Variants in OPCML observed in about 807,000 individuals in gnomAD.
OPCML encodes opioid-binding protein/cell adhesion molecule.
OPCML carries 13 observed loss-of-function variants against 37.8 expected under a neutral mutation model. The observed-to-expected ratio is 0.34, with a 90% CI of 0.22 to 0.55. The LOEUF (loss-of-function observed/expected upper bound fraction) is 0.55. Ranked by LOEUF, OPCML falls within the 20% of genes least tolerant of loss-of-function variation. The probability of loss-of-function intolerance (pLI) is 0.91; values close to 1 mark genes in which losing one functional copy is unlikely to be tolerated. For missense variants in OPCML, 341 were observed against 435.6 expected, an observed-to-expected ratio of 0.78 and a Z score of 1.93; for synonymous variants, 176 against 168.8, an observed-to-expected ratio of 1.04 and a Z score of -0.33.
chr11:133,217,319 C>T (rs1406384529), intron 1 of OPCML, among the ~76,000 whole-genome samples: 8 of 152,234 alleles, frequency 5.3e-5, no homozygotes, highest in Non-Finnish European at 8.8e-5. Flanking sequence ...CATTCTCACC[C>T]GTTCCCATGG....
chr11:133,266,785 A>G (rs1941672358), intron 1 of OPCML, among the ~76,000 whole-genome samples: 1 of 152,212 alleles, frequency 6.6e-6, no homozygotes. Context: ...ATTCCAAGCC[A>G]GAACAATGTG....
intron 2 of OPCML, among the ~76,000 whole-genome samples, chr11:132,907,252 C>T (rs1227934880): frequency 3.9e-5 from 6 of 152,174 alleles, no homozygotes; most frequent in Admixed American, 1.3e-4. Context: ...AGCTGTTTTA[C>T]GTTCCCTGGT....
At chr11:132,703,280 G>GT (rs1173368859) in intron 2 of OPCML, among the ~76,000 whole-genome samples, 3 of 152,134 alleles carry the variant, frequency 2.0e-5, no homozygotes, top group Non-Finnish European at 4.4e-5. Context: ...TAACACAAGG[G>GT]TAAGTATTCA....
chr11:132,721,524 G>A (rs1397549961), intron 2 of OPCML, among the ~76,000 whole-genome samples: 1 of 152,118 alleles, frequency 6.6e-6, no homozygotes, highest in African/African-American at 2.4e-5. Context: ...CCATGTGAAG[G>A]GCTGCAAACT....
intron 1 of OPCML, among the ~76,000 whole-genome samples, chr11:133,140,756 A>ACG (rs1219256423): frequency 5.6e-5 from 5 of 89,396 alleles, no homozygotes; most frequent in Non-Finnish European, 9.9e-5. Flanking sequence ...GAGGAAGAAG[A>ACG]AGACGACGAA....
At chr11:132,665,003 G>A (rs959928856) in intron 2 of OPCML, among the ~76,000 whole-genome samples, 5 of 152,162 alleles carry the variant, frequency 3.3e-5, no homozygotes, top group Non-Finnish European at 5.9e-5. Flanking sequence ...TCTGCCACTC[G>A]CTGGAAAATT....
intron 3 of OPCML, among the ~76,000 whole-genome samples, chr11:132,580,858 T>C (rs936474452): frequency 6.6e-6 from 1 of 152,228 alleles, no homozygotes; most frequent in Non-Finnish European, 1.5e-5. Context: ...ATTAATTCCA[T>C]AGGGGCCTTT....
rs2096471688 is a variant in OPCML, at chr11:132,585,928, A to G, written c.380-56742T>C. On this transcript the variant is annotated intron_variant, in intron 3 of 7. Coordinates refer to ENST00000524381, the MANE Select transcript of OPCML (RefSeq NM_001012393.5). ...AAGCCATTTTCTCAAACATCCACACATTTGGAAAGGGGTAAGTTGTTGGAT... is the reference window on the plus strand; with the variant it reads ...AAGCCATTTTCTCAAACATCCACACGTTTGGAAAGGGGTAAGTTGTTGGAT... Among the ~76,000 whole-genome samples the G allele has an allele frequency of 1.3e-5, 2 of 152,168 alleles. 1 individual carries two copies. The highest frequency in any genetic ancestry group is 4.1e-4 in the South Asian group (2 of 4,830).
At chr11:132,633,727 G>T (rs1940300269) in intron 3 of OPCML, among the ~76,000 whole-genome samples, 1 of 152,180 alleles carries the variant, frequency 6.6e-6, no homozygotes, top group African/African-American at 2.4e-5. Flanking sequence ...GTGTATGGGT[G>T]TGGGGTGGGG....
chr11:132,977,824 A>G (rs1474687942), intron 1 of OPCML, among the ~76,000 whole-genome samples: 5 of 152,228 alleles, frequency 3.3e-5, no homozygotes, highest in Non-Finnish European at 2.9e-5. Context: ...GGAGAATAGG[A>G]CAAAAAATGT....
rs573865190 is a variant in OPCML at position 132,620,796 on chromosome 11, C to A, written c.379+36291G>T. On this transcript the variant is annotated intron_variant, in intron 3 of 7. Coordinates refer to ENST00000524381, the MANE Select transcript of OPCML (RefSeq NM_001012393.5). ...AGTTTGCTTCACAGGGAGTGAACACCTTGGATGTCTAGATTGCCATCCATG... is the reference window on the plus strand; with the variant it reads ...AGTTTGCTTCACAGGGAGTGAACACATTGGATGTCTAGATTGCCATCCATG... Among the ~76,000 whole-genome samples the A allele has an allele frequency of 1.7e-3, 258 of 152,292 alleles. 4 individuals carry two copies. Among genetic ancestry groups the A allele is most frequent in the African/African-American group, 5.8e-3 (241 of 41,556 alleles).
intron 7 of OPCML, chr11:132,435,256 A>G (rs1287472177): frequency 7.8e-7 from 1 of 1,288,974 alleles, no homozygotes; most frequent in African/African-American, 1.5e-5. Context: ...CACATTTCAG[A>G]TGGTTGGTGG....
At chr11:133,479,306 A>C (rs150952674) in intron 1 of OPCML, among the ~76,000 whole-genome samples, 4 of 152,152 alleles carry the variant, frequency 2.6e-5, no homozygotes, top group Non-Finnish European at 5.9e-5. Flanking sequence ...TGGCACATTC[A>C]TGGCCATCAC....
chr11:133,488,379 A>C (rs1239659787), intron 1 of OPCML, among the ~76,000 whole-genome samples: 1 of 152,116 alleles, frequency 6.6e-6, no homozygotes, highest in Non-Finnish European at 1.5e-5. Flanking sequence ...ATACCACCAA[A>C]AATCTCTTAT....
chr11:132,469,865 G>T (rs1178058456), intron 4 of OPCML, among the ~76,000 whole-genome samples: 1 of 121,270 alleles, frequency 8.2e-6, no homozygotes, highest in Non-Finnish European at 1.8e-5. Context: ...GTATGTGTGG[G>T]GGTGTGTATG....
intron 4 of OPCML, among the ~76,000 whole-genome samples, chr11:132,493,779 A>G (rs560711224): frequency 6.6e-6 from 1 of 152,382 alleles, no homozygotes; most frequent in East Asian, 1.9e-4. Context: ...AAACACTAAC[A>G]TTAATAATAC....
chr11:133,105,675 T>G (rs1241017763), intron 1 of OPCML, among the ~76,000 whole-genome samples: 1 of 152,076 alleles, frequency 6.6e-6, no homozygotes, highest in Non-Finnish European at 1.5e-5. Flanking sequence ...GCAACTGAAA[T>G]TATTGGGTTG....
At chr11:132,794,210 C>G (rs1214265076) in intron 2 of OPCML, among the ~76,000 whole-genome samples, 2 of 152,186 alleles carry the variant, frequency 1.3e-5, no homozygotes, top group Non-Finnish European at 2.9e-5. Context: ...GCATTTCACT[C>G]CTATTCTACC....
chr11:133,363,545 G>T lies in OPCML; in HGVS notation c.61+168719C>A, dbSNP rs987607526. ...TGCCTTTGGCTATTGCTATAATAGA[G>T]ATTTCCATTAGAGCCATTTTCTCCT... is the stretch of plus-strand genomic sequence containing the variant. On this transcript the variant is annotated intron_variant, in intron 1 of 7. Transcript: ENST00000524381. 4.6e-5 allele frequency among the ~76,000 whole-genome samples: 7 copies of T among 152,310 alleles called. No individual in the cohort carries two copies. In the South Asian group the frequency reaches 1.2e-3, roughly 27 times the overall value.
Sources: gnomAD v4.1 joint callset for allele counts (sites outside exome capture counted in the v4.1 genomes callset) on GRCh38, gnomAD v4.1.1 for gene constraint, MANE v1.5 for transcripts, NCBI Gene and HGNC (gene_info 2026-07-23, HGNC 2026-07-21) for gene names.